The following ARHGEF10 variants were observed in gnomAD, a reference collection of about 807,000 sequenced individuals.
ARHGEF10 encodes Rho guanine nucleotide exchange factor (GEF) 10.
In ARHGEF10, 140 loss-of-function variants were observed where a neutral mutation model predicts 147.4. The ratio of observed to expected loss-of-function variants is 0.95; its 90% CI spans 0.83 to 1.09. The LOEUF (loss-of-function observed/expected upper bound fraction) is 1.09, where lower values mean the gene tolerates loss of function less well. Among genes scored for constraint, ARHGEF10 ranks in the 50% least tolerant of loss-of-function variants. The probability of loss-of-function intolerance (pLI) is 0.00; values close to 1 mark genes in which losing one functional copy is unlikely to be tolerated. For synonymous variants in ARHGEF10, 902 were observed against 695.8 expected, an observed-to-expected ratio of 1.30 and a Z score of -4.67; for missense variants, 2,222 against 1,752.7, an observed-to-expected ratio of 1.27 and a Z score of -4.78.
At chr8:1,896,548 C>A in intron 14 of ARHGEF10, 99 bp downstream of exon 14, 1 of 883,634 alleles carries the variant, frequency 1.1e-6, no homozygotes, top group Non-Finnish European at 1.9e-6. Context: ...ATTAAGATTT[C>A]AGTATCAATA....
rs929216509 is a variant in ARHGEF10, at chr8:1,888,170, A to G, written c.1182+2463A>G. Among the ~76,000 whole-genome samples the G allele has an allele frequency of 7.7e-4, 50 of 65,102 alleles. 5 individuals carry two copies. Among genetic ancestry groups the G allele is most frequent in the African/African-American group, 2.5e-3 (25 of 10,174 alleles). 42.7% of individuals were successfully genotyped at this position (65,102 alleles called of 152,430 possible). A position where few individuals can be genotyped will look rare whatever the true frequency, so the allele number is the denominator to read the frequency against. ...TTAGTGGGGCGAGGGTTGCGAGGAG[A>G]CAGTGAGTGGGGTGAGGGTTTGCGA... On this transcript the variant is annotated intron_variant, in intron 11 of 28. Coordinates refer to ENST00000349830, the MANE Select transcript of ARHGEF10 (RefSeq NM_014629.4).
At chr8:1,846,128 C>T (rs866018099) in intron 2 of ARHGEF10, among the ~76,000 whole-genome samples, 5 of 152,344 alleles carry the variant, frequency 3.3e-5, no homozygotes, top group African/African-American at 4.8e-5. Flanking sequence ...AGGAGGGTGT[C>T]CTCGGGAGAC....
At chr8:1,871,207 C>A (rs1585334258) in intron 7 of ARHGEF10, 1 of 148,158 alleles carries the variant, frequency 6.7e-6, no homozygotes, top group African/African-American at 2.5e-5. Flanking sequence ...ATCTTTGAAG[C>A]AAGTAGTTCC....
chr8:1,905,758 A>G (rs1329219909), intron 17 of ARHGEF10, 42 bp downstream of exon 17: 2 of 1,608,756 alleles, frequency 1.2e-6, no homozygotes, highest in African/African-American at 1.3e-5. Context: ...CCATCATCAC[A>G]TGTTACCTTT....
At position 1,843,448 on chromosome 8, in the gene ARHGEF10, C is replaced by T. The variant is rs1488454560; in HGVS notation, c.37+12C>T. 12 of 1,608,274 alleles carry T rather than the reference C, an allele frequency of 7.5e-6. No individual in the cohort carries two copies. The highest frequency in any genetic ancestry group is 1.0e-5 in the Non-Finnish European group (12 of 1,176,028). ...TCCCGCTCCTGCAGGTAACAGCACTCAGTAGGTGGGCCTGTGGGTCAGGTT... is the reference window on the plus strand; with the variant it reads ...TCCCGCTCCTGCAGGTAACAGCACTTAGTAGGTGGGCCTGTGGGTCAGGTT... On this transcript the variant is annotated intron_variant, in intron 2 of 28. Coordinates refer to ENST00000349830, the MANE Select transcript of ARHGEF10 (RefSeq NM_014629.4).
rs531016371 is a variant in ARHGEF10, at chr8:1,858,631, G to C, written c.193+516G>C. Reference sequence around the variant, plus strand: ...GTAGAGGTTTCGCTTTCTAAGTTTGGAGGTGGGTTGGGTGCTTTCATTCGC... The same window carrying C: ...GTAGAGGTTTCGCTTTCTAAGTTTGCAGGTGGGTTGGGTGCTTTCATTCGC... On this transcript the variant is annotated intron_variant, in intron 3 of 28. Coordinates refer to ENST00000349830, the MANE Select transcript of ARHGEF10 (RefSeq NM_014629.4). 153 of 156,860 alleles carry C rather than the reference G, an allele frequency of 9.8e-4. No homozygotes were observed. In the South Asian group the frequency reaches 0.011, roughly 11 times the overall value. 9.7% of individuals were successfully genotyped at this position (156,860 alleles called of 1,614,324 possible). A position where few individuals can be genotyped will look rare whatever the true frequency, so the allele number is the denominator to read the frequency against.
Position 1,957,420 on chromosome 8 carries a change from C to A in ARHGEF10, c.*157C>A. 9.7e-7 allele frequency: 1 copy of A among 1,026,888 alleles called. No homozygotes were observed. The highest frequency in any genetic ancestry group is 1.4e-6 in the Non-Finnish European group (1 of 708,864). 63.6% of individuals were successfully genotyped at this position (1,026,888 alleles called of 1,614,324 possible). On this transcript the variant is annotated 3_prime_UTR_variant, in exon 29 of 29. Coordinates refer to ENST00000349830, the MANE Select transcript of ARHGEF10 (RefSeq NM_014629.4). ...GTGCAATAGCGTAATGGTGGTGTCC[C>A]TGCCAATTCCTTCCTTCTCTTCTGT...
At chr8:1,904,787 C>T (rs1189343030) in intron 16 of ARHGEF10, among the ~76,000 whole-genome samples, 1 of 151,990 alleles carries the variant, frequency 6.6e-6, no homozygotes, top group Admixed American at 6.6e-5. Context: ...CAGCACAGAC[C>T]ACCGGGGCTG....
intron 2 of ARHGEF10, among the ~76,000 whole-genome samples, chr8:1,844,188 C>T (rs1336646859): frequency 6.6e-6 from 1 of 152,062 alleles, no homozygotes; most frequent in African/African-American, 2.4e-5. Flanking sequence ...GGCTCCAGGC[C>T]CCTTGGCACT....
At chr8:1,868,490 G>C (rs1806808944) in intron 6 of ARHGEF10, among the ~76,000 whole-genome samples, 1 of 152,204 alleles carries the variant, frequency 6.6e-6, no homozygotes, top group South Asian at 2.1e-4. Context: ...GTAAACCTCA[G>C]GCTCATTGTT....
rs1805771461 is a variant in ARHGEF10 at position 1,858,264 on chromosome 8, G to T, written c.193+149G>T. 23 of 667,340 alleles carry T rather than the reference G, an allele frequency of 3.4e-5. No individual in the cohort carries two copies. In the South Asian group the frequency reaches 5.1e-4, roughly 15 times the overall value. 41.3% of individuals were successfully genotyped at this position (667,340 alleles called of 1,614,324 possible). On this transcript the variant is annotated intron_variant, in intron 3 of 28. Transcript: ENST00000349830. ...GGTCCCCAGGTGAGTCCCCTGGGGGGTTCCCAGGTGAGTCCGCAGATCACC... is the reference window on the plus strand; with the variant it reads ...GGTCCCCAGGTGAGTCCCCTGGGGGTTTCCCAGGTGAGTCCGCAGATCACC...
intron 6 of ARHGEF10, 24 bp downstream of exon 6, chr8:1,866,626 C>A: frequency 6.3e-7 from 1 of 1,599,706 alleles, no homozygotes; most frequent in Non-Finnish European, 8.5e-7. Flanking sequence ...CTGCCCACAG[C>A]CAGAATCCTC....
At chr8:1,904,740 C>G (rs552089477) in intron 16 of ARHGEF10, among the ~76,000 whole-genome samples, 1 of 152,112 alleles carries the variant, frequency 6.6e-6, no homozygotes, top group African/African-American at 2.4e-5. Flanking sequence ...GCTGGTTGCT[C>G]AGAGCTGGGC....
chr8:1,939,805 C>G (rs1813931821), intron 26 of ARHGEF10, among the ~76,000 whole-genome samples: 1 of 152,214 alleles, frequency 6.6e-6, no homozygotes, highest in African/African-American at 2.4e-5. Context: ...ACTGGCTCAG[C>G]TCCCGGGGAC....
chr8:1,924,945 T>C (rs1308776809), intron 21 of ARHGEF10, among the ~76,000 whole-genome samples: 2 of 152,254 alleles, frequency 1.3e-5, no homozygotes, highest in Admixed American at 6.5e-5. Context: ...ACATTTCTTT[T>C]GCTTTGGAAA....
chr8:1,831,099 C>T (rs1365832659), intron 1 of ARHGEF10, among the ~76,000 whole-genome samples: 4 of 152,226 alleles, frequency 2.6e-5, no homozygotes, highest in African/African-American at 9.6e-5. Context: ...GTCAGAGCGG[C>T]TGGAAGGGCC....
In ARHGEF10 at chr8:1,908,717, A is replaced by G. The variant is rs111911552; in HGVS notation, c.1968-578A>G. ...GCAGGTCGTTTCCACTAGACTGTAC[A>G]TATGTGTTTTGTGTTTCTTCACGTA... On this transcript the variant is annotated intron_variant, in intron 17 of 28. Coordinates refer to ENST00000349830, the MANE Select transcript of ARHGEF10 (RefSeq NM_014629.4). Among the ~76,000 whole-genome samples the G allele has an allele frequency of 2.9e-5, 4 of 136,298 alleles. No individual in the cohort carries two copies. In the South Asian group the frequency reaches 6.2e-4, roughly 21 times the overall value. 89.4% of individuals were successfully genotyped at this position (136,298 alleles called of 152,430 possible). A position where few individuals can be genotyped will look rare whatever the true frequency, so the allele number is the denominator to read the frequency against.
At chr8:1,836,343 C>T (rs1171613971) in intron 1 of ARHGEF10, among the ~76,000 whole-genome samples, 1 of 152,136 alleles carries the variant, frequency 6.6e-6, no homozygotes, top group African/African-American at 2.4e-5. Context: ...GTTTTGAAAG[C>T]GGAGTCTTCT....
Position 1,896,462 on chromosome 8 carries a change from T to G in ARHGEF10, c.1557+13T>G, listed in dbSNP as rs901312240. 5.0e-6 allele frequency: 8 copies of G among 1,586,454 alleles called. No individual in the cohort carries two copies. The highest frequency in any genetic ancestry group is 6.9e-6 in the Non-Finnish European group (8 of 1,155,612). On this transcript the variant is annotated intron_variant, in intron 14 of 28. Coordinates refer to ENST00000349830, the MANE Select transcript of ARHGEF10 (RefSeq NM_014629.4). ...TGAATTTTTAAAGGTAAGCGCTTTT[T>G]TTTTTCATTTGGGTTTTAACACCAT... is the stretch of plus-strand genomic sequence containing the variant.
Sources: gnomAD v4.1 joint callset for allele counts (sites outside exome capture counted in the v4.1 genomes callset) on GRCh38, gnomAD v4.1.1 for gene constraint, MANE v1.5 for transcripts, NCBI Gene and HGNC (gene_info 2026-07-23, HGNC 2026-07-21) for gene names.